Variants in LONP2 observed in about 807,000 individuals in gnomAD.
The protein encoded by LONP2 is lon protease homolog 2, peroxisomal.
In LONP2, 60 loss-of-function variants were observed where a neutral mutation model predicts 85.6. The ratio of observed to expected loss-of-function variants is 0.70; its 90% confidence interval spans 0.57 to 0.87. LONP2 has a LOEUF of 0.87. LONP2 is among the 40% of genes least tolerant of loss of function. The pLI is 0.00. For missense variants in LONP2, 860 were observed against 1,063.5 expected (o/e 0.81, Z 2.66); for synonymous variants, 395 against 389.7 (o/e 1.01, Z -0.16).
intron 12 of LONP2, among the ~76,000 whole-genome samples, chr16:48,339,506 A>G (rs1308628239): frequency 1.3e-5 from 2 of 152,210 alleles, no homozygotes; most frequent in Non-Finnish European, 2.9e-5. Context: ...GCTGTAAACA[A>G]TTGCAGAGAA....
intron 14 of LONP2, among the ~76,000 whole-genome samples, chr16:48,350,445 T>TG (rs1364299906): frequency 1.3e-5 from 2 of 152,176 alleles, no homozygotes; most frequent in Non-Finnish European, 2.9e-5. Context: ...TCTAGTCTTG[T>TG]ATACATGGCC....
In LONP2 at chr16:48,244,511, G is replaced by A. The variant is rs1971226879; in HGVS notation, c.123G>A (p.Leu41=). 1.3e-6 allele frequency: 2 copies of A among 1,592,358 alleles called. No individual in the cohort carries two copies. The highest frequency in any genetic ancestry group is 1.7e-6 in the Non-Finnish European group (2 of 1,173,498). Residue 41 remains leucine, a synonymous_variant, in exon 1 of 15, where the codon CTG becomes CTA. Coordinates refer to ENST00000285737, the MANE Select transcript of LONP2 (RefSeq NM_031490.5). ...TSVDSARNLQ[L]VRSRLLKGTS... ...TGGACTCGGCCCGCAACCTGCAGCT[G>A]GTGCGGAGCCGCCTTCTGAAGGGCA...
chr16:48,314,784 C>T (rs746910802), intron 11 of LONP2, among the ~76,000 whole-genome samples: 2 of 151,998 alleles, frequency 1.3e-5, no homozygotes, highest in Admixed American at 6.6e-5. Context: ...TTGTAAATAA[C>T]GTTCTTAAAA....
intron 11 of LONP2, among the ~76,000 whole-genome samples, chr16:48,321,511 T>C (rs1341767351): frequency 6.6e-6 from 1 of 152,188 alleles, no homozygotes; most frequent in African/African-American, 2.4e-5. Flanking sequence ...TATGCGTTGC[T>C]TAATGATGGG....
At chr16:48,286,736 A>G (rs1444679689) in intron 8 of LONP2, among the ~76,000 whole-genome samples, 1 of 151,052 alleles carries the variant, frequency 6.6e-6, no homozygotes, top group Non-Finnish European at 1.5e-5. Context: ...AGCTCAAGCA[A>G]TTTGCTCACC....
rs549060589 is a variant in LONP2, at chr16:48,345,181, C to G, written c.1939-2326C>G. ...GTTGCAGTGAGCTGAGATCATGCCTCTGCACTCCAGCCTGAGCTACAGAGC... is the reference window on the plus strand; with the variant it reads ...GTTGCAGTGAGCTGAGATCATGCCTGTGCACTCCAGCCTGAGCTACAGAGC... On this transcript the variant is annotated intron_variant, in intron 12 of 14. Coordinates refer to ENST00000285737, the MANE Select transcript of LONP2 (RefSeq NM_031490.5). The G allele has an allele frequency of 3.9e-5, 6 of 152,390 alleles. No homozygotes were observed. The South Asian group carries it at 1.2e-3, about 32-fold the overall frequency. The allele number at this position is 152,390 out of a possible 1,614,324, so 9.4% of individuals were successfully genotyped here.
intron 12 of LONP2, among the ~76,000 whole-genome samples, chr16:48,340,452 T>A (rs978775540): frequency 6.6e-6 from 1 of 152,036 alleles, no homozygotes; most frequent in Non-Finnish European, 1.5e-5. Flanking sequence ...ATTTTGTACA[T>A]ATTTAATAAC....
Position 48,362,600 on chromosome 16 carries a change from A to C in LONP2, c.*737A>C, listed in dbSNP as rs539256441. 5.0e-5 allele frequency: 33 copies of C among 662,894 alleles called. No homozygotes were observed. The African/African-American group carries it at 5.1e-4, about 10-fold the overall frequency. The allele number at this position is 662,894 out of a possible 1,614,324, so 41.1% of individuals were successfully genotyped here. ...ATATTAAAAAAATAAAATTACACTG[A>C]ATGTGCACTTTATTAGGATCTGTAC... On this transcript the variant is annotated 3_prime_UTR_variant, in exon 5 of 5. Coordinates refer to the LONP2 transcript ENST00000565867. This position sits in a 1 kb window ranked among gnomAD's most constrained non-coding sequence, Gnocchi z 4.2.
At chr16:48,284,910 C>G (rs1420976641) in intron 8 of LONP2, among the ~76,000 whole-genome samples, 1 of 152,136 alleles carries the variant, frequency 6.6e-6, no homozygotes, top group Non-Finnish European at 1.5e-5. Flanking sequence ...AAAGTTACGT[C>G]AACAATATAT....
intron 12 of LONP2, chr16:48,345,843 G>A (rs543689853): frequency 6.6e-6 from 1 of 152,358 alleles, no homozygotes; most frequent in East Asian, 1.9e-4. Context: ...TCAGGAGTTT[G>A]AGACCAGCCT....
intron 11 of LONP2, among the ~76,000 whole-genome samples, chr16:48,330,334 G>A (rs115239034): frequency 0.017 from 2,603 of 152,350 alleles, 90 homozygotes; most frequent in African/African-American, 0.06. Flanking sequence ...TATGTTGGAA[G>A]GTTGAACTTT....
intron 11 of LONP2, among the ~76,000 whole-genome samples, chr16:48,330,913 C>T (rs898527777): frequency 6.6e-6 from 1 of 152,166 alleles, no homozygotes; most frequent in Admixed American, 6.5e-5. Flanking sequence ...CCCCAGTGCT[C>T]AGAACGCTGA....
rs774183905 is a variant in LONP2, at chr16:48,256,720, A to G, written c.579A>G (p.Thr193=). The G allele has an allele frequency of 6.2e-7, 1 of 1,613,928 alleles. No individual in the cohort carries two copies. Among genetic ancestry groups the G allele is most frequent in the South Asian group, 1.1e-5 (1 of 91,064 alleles). Residue 193 remains threonine (T), a synonymous_variant, in exon 3 of 15, where the codon ACA becomes ACG. Coordinates refer to ENST00000285737, the MANE Select transcript of LONP2 (RefSeq NM_031490.5). ...LPDILTSIIR[T]SNKEKLQILD... ...ACATCTTGACATCAATTATCCGAAC[A>G]AGCAACAAAGAGAAACTCCAGGTAC...
intron 12 of LONP2, among the ~76,000 whole-genome samples, chr16:48,343,524 C>A (rs1033341847): frequency 6.6e-6 from 1 of 151,838 alleles, no homozygotes; most frequent in African/African-American, 2.4e-5. Flanking sequence ...TTGTGAAACC[C>A]CCGTCTCTAC....
At chr16:48,267,977 G>A (rs939016031) in intron 6 of LONP2, among the ~76,000 whole-genome samples, 8 of 152,008 alleles carry the variant, frequency 5.3e-5, no homozygotes, top group African/African-American at 7.2e-5. Context: ...GATAGTAACC[G>A]AAAACAAAAA....
chr16:48,295,444 T>A (rs1047777242), intron 8 of LONP2, among the ~76,000 whole-genome samples: 1 of 152,232 alleles, frequency 6.6e-6, no homozygotes, highest in Non-Finnish European at 1.5e-5. Context: ...TTTTAAATAG[T>A]GAATTTTTTG....
At position 48,354,094 on chromosome 16, in the gene LONP2, G is replaced by GA. The variant is rs1397992893; in HGVS notation, c.*2292_*2293insA. On this transcript the variant is annotated 3_prime_UTR_variant, in exon 15 of 15. Coordinates refer to ENST00000285737, the MANE Select transcript of LONP2 (RefSeq NM_031490.5). Reference sequence around the variant, plus strand: ...TTTTTTTTTTTGGGGGGGGTGGGGGGTTAGGGGTGGGGCGGGTGGGGAAGA... The same window carrying GA: ...TTTTTTTTTTTGGGGGGGGTGGGGGGATTAGGGGTGGGGCGGGTGGGGAAGA... 1 of 24,574 alleles carries GA rather than the reference G, an allele frequency of 4.1e-5. No homozygotes were observed. The highest frequency in any genetic ancestry group is 1.8e-4 in the African/African-American group (1 of 5,702). The allele number at this position is 24,574 out of a possible 1,614,324, so 1.5% of individuals were successfully genotyped here. A position where few individuals can be genotyped will look rare whatever the true frequency, so the allele number is the denominator to read the frequency against.
chr16:48,351,365 C>T (rs1184448958), intron 14 of LONP2, among the ~76,000 whole-genome samples: 5 of 152,184 alleles, frequency 3.3e-5, no homozygotes, highest in Non-Finnish European at 7.3e-5. Context: ...GAATCCCCCT[C>T]ATCAGAGTCT....
chr16:48,278,016 AT>A lies in LONP2; in HGVS notation c.1383+544del, dbSNP rs1972250531. The stretch of plus-strand genomic sequence containing the variant: ...TTATACCTTAGATCTCGCAATAAGA[AT>A]TTTTTTCTTGTTTTTTTGTTGTTTT... On this transcript the variant is annotated intron_variant, in intron 8 of 14. Transcript: ENST00000285737. Among the ~76,000 whole-genome samples, 5 of 150,312 alleles carry A rather than the reference AT, an allele frequency of 3.3e-5. No homozygotes were observed. The South Asian group carries it at 8.4e-4, about 25-fold the overall frequency.
Sources: allele counts gnomAD v4.1 joint callset (sites outside exome capture counted in the v4.1 genomes callset), GRCh38; gene constraint gnomAD v4.1.1; non-coding constraint Gnocchi (gnomAD v3.1); transcripts MANE v1.5; gene names NCBI Gene and HGNC (gene_info 2026-07-23, HGNC 2026-07-21).